COA1: variants seen among roughly 807,000 people sequenced by gnomAD.
The protein encoded by COA1 is cytochrome c oxidase assembly factor 1 homolog.
Under a neutral mutation model 16.0 loss-of-function variants are expected in COA1, and 13 were observed. That is an observed-to-expected ratio of 0.81 (90% CI 0.53 to 1.29). COA1 has a LOEUF of 1.29. Ranked by LOEUF, COA1 falls within the 50% of genes most tolerant of loss-of-function variation. The pLI, the probability that COA1 is intolerant of heterozygous loss-of-function variation, is 0.00. For synonymous variants in COA1, 65 were observed against 65.7 expected, an observed-to-expected ratio of 0.99 and a Z score of 0.05; for missense variants, 179 against 177.0, an observed-to-expected ratio of 1.01 and a Z score of -0.06.
At chr7:43,633,723 A>G (rs2085410368) in intron 6 of COA1, among the ~76,000 whole-genome samples, 1 of 152,258 alleles carries the variant, frequency 6.6e-6, no homozygotes, top group Non-Finnish European at 1.5e-5. Flanking sequence ...GCAAAGTGTA[A>G]TAAAGTAAAA....
intron 6 of COA1, chr7:43,624,022 C>A: frequency 1.7e-6 from 1 of 599,978 alleles, no homozygotes. Context: ...ATAATGGAAA[C>A]ACAAAAATGT....
chr7:43,639,566 G>A lies in COA1; in HGVS notation c.*16C>T. On this transcript the variant is annotated 3_prime_UTR_variant, in exon 6 of 6. Transcript: ENST00000223336. ...GAAGGATGGACTAGAAGCAAGCTGGGTCTTCTGGGTCGTCTCTACTCCTTT... is the reference window on the plus strand; with the variant it reads ...GAAGGATGGACTAGAAGCAAGCTGGATCTTCTGGGTCGTCTCTACTCCTTT... 2 of 1,604,854 alleles carry A rather than the reference G, an allele frequency of 1.2e-6. No individual in the cohort carries two copies. The highest frequency in any genetic ancestry group is 1.7e-6 in the Non-Finnish European group (2 of 1,171,782).
At chr7:43,677,302 A>C (rs2093571658) in intron 1 of COA1, among the ~76,000 whole-genome samples, 1 of 152,220 alleles carries the variant, frequency 6.6e-6, no homozygotes, top group South Asian at 2.1e-4. Context: ...TGGGAAAGAA[A>C]CCCATTTCAG....
At chr7:43,662,639 A>G (rs1311990698) in intron 1 of COA1, among the ~76,000 whole-genome samples, 1 of 152,262 alleles carries the variant, frequency 6.6e-6, no homozygotes, top group African/African-American at 2.4e-5. Flanking sequence ...AAATAATGTA[A>G]AACAATGTTA....
chr7:43,635,638 A>G (rs1010891357), downstream of COA1, among the ~76,000 whole-genome samples: 2 of 152,192 alleles, frequency 1.3e-5, no homozygotes, highest in African/African-American at 4.8e-5. Context: ...CTCCCACAGG[A>G]AAGAGCACTG....
chr7:43,627,594 T>G (rs1055111868), intron 6 of COA1, among the ~76,000 whole-genome samples: 2 of 152,228 alleles, frequency 1.3e-5, no homozygotes, highest in African/African-American at 2.4e-5. Flanking sequence ...TGAATTAGAC[T>G]GATAAAAATG....
intron 6 of COA1, among the ~76,000 whole-genome samples, chr7:43,621,595 G>A (rs957832833): frequency 6.6e-6 from 1 of 152,106 alleles, no homozygotes; most frequent in Admixed American, 6.5e-5. Flanking sequence ...AGCCTCCCGA[G>A]TAGCTGGGAC....
chr7:43,706,817 C>G (rs1257680185), intron 1 of COA1, among the ~76,000 whole-genome samples: 1 of 151,808 alleles, frequency 6.6e-6, no homozygotes, highest in Non-Finnish European at 1.5e-5. Flanking sequence ...CTGCAGTGAG[C>G]TGTGATAGGA....
chr7:43,628,192 A>G (rs2084792390), intron 6 of COA1, among the ~76,000 whole-genome samples: 1 of 151,996 alleles, frequency 6.6e-6, no homozygotes. Flanking sequence ...GGGTTGCACC[A>G]TGTTGGTCAA....
intron 1 of COA1, among the ~76,000 whole-genome samples, chr7:43,704,756 G>C (rs1180841036): frequency 6.6e-6 from 1 of 151,992 alleles, no homozygotes; most frequent in African/African-American, 2.4e-5. Context: ...TCTCCTCTAT[G>C]TCGACTAGCT....
At chr7:43,618,034 A>G (rs1376271785) in intron 6 of COA1, among the ~76,000 whole-genome samples, 4 of 152,222 alleles carry the variant, frequency 2.6e-5, no homozygotes, top group Non-Finnish European at 4.4e-5. Flanking sequence ...TGTGATTTGT[A>G]GTGGAATGAG....
chr7:43,716,307 A>C (rs1025840788), intron 1 of COA1, among the ~76,000 whole-genome samples: 2 of 152,202 alleles, frequency 1.3e-5, no homozygotes, highest in Non-Finnish European at 2.9e-5. Context: ...TTTGACAAAA[A>C]TGCTGATAGT....
At chr7:43,682,372 T>C (rs1039919990) in intron 1 of COA1, among the ~76,000 whole-genome samples, 1 of 152,230 alleles carries the variant, frequency 6.6e-6, no homozygotes, top group Non-Finnish European at 1.5e-5. Context: ...GAAGAAAGCA[T>C]ATCATACATG....
chr7:43,673,998 T>TGGAG (rs550592826), intron 1 of COA1, among the ~76,000 whole-genome samples: 269 of 151,912 alleles, frequency 1.8e-3, no homozygotes, highest in South Asian at 0.012. Context: ...TACTTAAAGG[T>TGGAG]GGAGGGAGGG....
chr7:43,639,968 CT>C (rs1200918661), intron 5 of COA1, among the ~76,000 whole-genome samples: 1 of 152,172 alleles, frequency 6.6e-6, no homozygotes, highest in African/African-American at 2.4e-5. Context: ...TCACAGTGAC[CT>C]TCAGTTCCTG....
intron 6 of COA1, among the ~76,000 whole-genome samples, chr7:43,612,369 T>C (rs1192107836): frequency 2.0e-5 from 3 of 152,250 alleles, no homozygotes; most frequent in Admixed American, 6.5e-5. Flanking sequence ...TCATTTCCAA[T>C]TGGCCTCTGT....
At chr7:43,717,545 C>T (rs951365740) in intron 1 of COA1, among the ~76,000 whole-genome samples, 7 of 152,122 alleles carry the variant, frequency 4.6e-5, no homozygotes, top group African/African-American at 7.2e-5. Context: ...ATTTTACGGG[C>T]TTATAGGCAG....
intron 6 of COA1, chr7:43,624,827 A>G: frequency 6.2e-7 from 1 of 1,602,102 alleles, no homozygotes; most frequent in Non-Finnish European, 8.5e-7. Flanking sequence ...AAATTCCAGG[A>G]GAATTTATCT....
At chr7:43,676,634 G>C (rs1202010222) in intron 1 of COA1, among the ~76,000 whole-genome samples, 1 of 152,060 alleles carries the variant, frequency 6.6e-6, no homozygotes, top group Non-Finnish European at 1.5e-5. Context: ...ATAATATATA[G>C]TTTCAAACAG....
Sources: allele counts gnomAD v4.1 joint callset (sites outside exome capture counted in the v4.1 genomes callset), GRCh38; gene constraint gnomAD v4.1.1; transcripts MANE v1.5; gene names NCBI Gene and HGNC (gene_info 2026-07-23, HGNC 2026-07-21).